Variants in ACOT1 observed in about 807,000 individuals in gnomAD.
The protein encoded by ACOT1 is acyl-coenzyme A thioesterase 1.
Under a neutral mutation model 15.7 loss-of-function variants are expected in ACOT1, and 8 were observed. That is an observed-to-expected ratio of 0.51 (90% CI 0.30 to 0.92). The LOEUF is 0.92. Among genes scored for constraint, ACOT1 ranks in the 40% least tolerant of loss-of-function variants. The pLI is 0.06. For synonymous variants in ACOT1, 67 were observed against 241.2 expected, an observed-to-expected ratio of 0.28 and a Z score of 6.69; for missense variants, 151 against 539.4, an observed-to-expected ratio of 0.28 and a Z score of 7.13.
At chr14:73,496,129 C>T in the ACOT1 span, among the ~76,000 whole-genome samples, 2 of 151,786 alleles carry the variant, frequency 1.3e-5, no homozygotes, top group African/African-American at 4.8e-5. Flanking sequence ...GACTGTCCCC[C>T]CCTCAAAAAA....
At chr14:73,506,789 T>C in the ACOT1 span, among the ~76,000 whole-genome samples, 1 of 148,748 alleles carries the variant, frequency 6.7e-6, no homozygotes, top group Non-Finnish European at 1.5e-5. Flanking sequence ...GGACCTTCCT[T>C]TCCTGACTTT....
chr14:73,540,231 C>G (rs186933788), intron 1 of ACOT1, among the ~76,000 whole-genome samples: 1 of 151,348 alleles, frequency 6.6e-6, no homozygotes, highest in Admixed American at 6.6e-5. Context: ...TACATGTGCA[C>G]CAGGAGGCAT....
upstream of ACOT1, among the ~76,000 whole-genome samples, chr14:73,532,526 G>T (rs1888737202): frequency 8.8e-6 from 1 of 113,806 alleles, no homozygotes. Context: ...TGCTATTCAG[G>T]TGGTCCATCT....
chr14:73,503,102 T>C, the ACOT1 span: 1 of 1,015,384 alleles, frequency 9.8e-7, no homozygotes, highest in South Asian at 1.3e-5. Context: ...CTTTTTTTAC[T>C]CATCACTGTA....
chr14:73,519,186 T>C, the ACOT1 span: 3 of 1,605,414 alleles, frequency 1.9e-6, no homozygotes, highest in South Asian at 1.1e-5. Flanking sequence ...AAAGAAACAA[T>C]GAGTCCCCTA....
chr14:73,506,632 G>A, the ACOT1 span: 1 of 1,281,050 alleles, frequency 7.8e-7, no homozygotes, highest in African/African-American at 1.5e-5. Context: ...CTAGAACCTT[G>A]AAGTTACATT....
chr14:73,520,694 A>G, the ACOT1 span: 2 of 654,252 alleles, frequency 3.1e-6, no homozygotes, highest in East Asian at 2.6e-5. Context: ...CCCCGACCCA[A>G]CTCCTGTGCT....
the ACOT1 span, among the ~76,000 whole-genome samples, chr14:73,506,227 T>C: frequency 6.6e-6 from 1 of 152,174 alleles, no homozygotes; most frequent in Non-Finnish European, 1.5e-5. Flanking sequence ...GTTTTTGTGC[T>C]ATTTCATTGT....
At chr14:73,528,908 G>T in the ACOT1 span, 1 of 152,108 alleles carries the variant, frequency 6.6e-6, no homozygotes, top group South Asian at 2.1e-4. Context: ...AAGGAAGAAA[G>T]GACTTATTAA....
chr14:73,511,931 G>A, the ACOT1 span: 3 of 1,579,044 alleles, frequency 1.9e-6, no homozygotes, highest in East Asian at 2.2e-5. Flanking sequence ...ATAAGCCCTG[G>A]GTCCCTACCA....
At chr14:73,514,586 T>TA in the ACOT1 span, among the ~76,000 whole-genome samples, 1 of 152,372 alleles carries the variant, frequency 6.6e-6, no homozygotes, top group Non-Finnish European at 1.5e-5. Context: ...TAATATTTGA[T>TA]ACGTTGCAAT....
At chr14:73,533,642 G>A (rs1188724527), upstream of ACOT1, among the ~76,000 whole-genome samples, 1 of 114,744 alleles carries the variant, frequency 8.7e-6, no homozygotes, top group African/African-American at 2.8e-5. Flanking sequence ...CCGCGCCACT[G>A]CACTCCAGCC....
the ACOT1 span, among the ~76,000 whole-genome samples, chr14:73,497,992 G>T: frequency 6.6e-6 from 1 of 152,138 alleles, no homozygotes; most frequent in Non-Finnish European, 1.5e-5. Context: ...TCTAATTTAG[G>T]CCAGTTTTTC....
At chr14:73,500,693 CCA>C in the ACOT1 span, 3 of 1,614,044 alleles carry the variant, frequency 1.9e-6, no homozygotes, top group Non-Finnish European at 2.5e-6. Context: ...TAGAGAGCTT[CCA>C]CACGCTCCTG....
chr14:73,516,648 G>A, the ACOT1 span, among the ~76,000 whole-genome samples: 1 of 152,096 alleles, frequency 6.6e-6, no homozygotes, highest in South Asian at 2.1e-4. Context: ...TAACCCCCAG[G>A]CCATGGGCCT....
the ACOT1 span, chr14:73,522,643 C>G: frequency 1.2e-6 from 2 of 1,614,204 alleles, no homozygotes; most frequent in Non-Finnish European, 1.7e-6. Context: ...TATCTGGATG[C>G]ATGCAGGGAT....
At chr14:73,504,943 T>G in the ACOT1 span, among the ~76,000 whole-genome samples, 1 of 152,158 alleles carries the variant, frequency 6.6e-6, no homozygotes, top group Non-Finnish European at 1.5e-5. Context: ...TGGTTTGTTT[T>G]TTTTTTTAGA....
the ACOT1 span, chr14:73,527,115 A>C: frequency 1.3e-5 from 2 of 152,224 alleles, no homozygotes; most frequent in Non-Finnish European, 2.9e-5. Context: ...TCAGCTGCAG[A>C]GACCGTAGGC....
chr14:73,530,351 C>A, the ACOT1 span: 3 of 137,782 alleles, frequency 2.2e-5, no homozygotes, highest in African/African-American at 5.1e-5. Context: ...TGCATTTTCA[C>A]AAGCTCTCAG....
Sources: allele counts gnomAD v4.1 joint callset (sites outside exome capture counted in the v4.1 genomes callset), GRCh38; gene constraint gnomAD v4.1.1; transcripts MANE v1.5; gene names NCBI Gene and HGNC (gene_info 2026-07-23, HGNC 2026-07-21).